KIRREL1: variants seen among roughly 807,000 people sequenced by gnomAD.
The protein encoded by KIRREL1 is kirre like nephrin family adhesion molecule 1, also known as kin of IRRE-like protein 1.
Under a neutral mutation model 83.3 loss-of-function variants are expected in KIRREL1, and 25 were observed. The observed-to-expected ratio is 0.30, with a 90% CI of 0.22 to 0.42. KIRREL1 has a LOEUF of 0.42. Among genes scored for constraint, KIRREL1 ranks in the 10% least tolerant of loss-of-function variants. The probability of loss-of-function intolerance (pLI) is 1.00; values close to 1 mark genes in which losing one functional copy is unlikely to be tolerated. For synonymous variants in KIRREL1, 388 were observed against 410.4 expected, an observed-to-expected ratio of 0.95 and a Z score of 0.66; for missense variants, 812 against 1,032.3, an observed-to-expected ratio of 0.79 and a Z score of 2.92.
intron 1 of KIRREL1, among the ~76,000 whole-genome samples, chr1:158,029,387 ACATG>A (rs1451458273): frequency 3.3e-5 from 1 of 30,510 alleles, no homozygotes; most frequent in Non-Finnish European, 1.0e-4. Flanking sequence ...GCGCATGCAC[ACATG>A]CATGCATGTG....
intron 1 of KIRREL1, among the ~76,000 whole-genome samples, chr1:158,018,164 G>T (rs997230624): frequency 5.9e-5 from 9 of 152,104 alleles, no homozygotes; most frequent in Non-Finnish European, 7.4e-5. Context: ...GGAAGAATTG[G>T]GGGGGTGGGA....
In KIRREL1 at chr1:158,088,130, G is replaced by A; in HGVS notation, c.892G>A (p.Val298Ile). 1.2e-6 allele frequency: 2 copies of A among 1,614,210 alleles called. No homozygotes were observed. Among genetic ancestry groups the A allele is most frequent in the East Asian group, 4.5e-5 (2 of 44,888 alleles). ...EVHNKVGSTN[V>I]STLVNVHFAP... ...TCACAACAAAGTGGGAAGCACCAAT[G>A]TCAGCACTTTAGTAAATGTCCACTG... The change falls in exon 7 of 15, where the codon GTC becomes ATC. Residue 298 changes from valine (V) to isoleucine (I), a missense_variant. Physicochemically the swap from Val to Ile is conservative, Grantham distance 29. Around this residue, in one of 3 missense-constraint regions of KIRREL1, gnomAD observed 472 missense variants for 626.8 expected, o/e 0.75. Transcript: ENST00000359209.
At chr1:158,061,560 A>G (rs1661216203) in intron 1 of KIRREL1, among the ~76,000 whole-genome samples, 1 of 152,142 alleles carries the variant, frequency 6.6e-6, no homozygotes, top group South Asian at 2.1e-4. Flanking sequence ...CTCTCTAGGC[A>G]GTTTTGTGTG....
At chr1:158,012,734 G>T (rs1045306511) in intron 1 of KIRREL1, among the ~76,000 whole-genome samples, 1 of 152,214 alleles carries the variant, frequency 6.6e-6, no homozygotes, top group Non-Finnish European at 1.5e-5. Flanking sequence ...GTCTATAGGG[G>T]CAAGGGCCTT....
chr1:158,099,990 T>C lies in KIRREL1; in HGVS notation c.*4870T>C, dbSNP rs1558023731. 2 of 152,142 alleles carry C rather than the reference T, an allele frequency of 1.3e-5. No individual in the cohort carries two copies. The highest frequency in any genetic ancestry group is 1.9e-4 in the East Asian group (1 of 5,190). The allele number at this position is 152,142 out of a possible 1,614,324, so 9.4% of individuals were successfully genotyped here. ...TTCTTGGCATTGCAACCTCCATTTC[T>C]AGCTCCTGTTGAATTTTCTCCACCC... is the stretch of plus-strand genomic sequence containing the variant. On this transcript the variant is annotated 3_prime_UTR_variant, in exon 15 of 15. Coordinates refer to ENST00000359209, the MANE Select transcript of KIRREL1 (RefSeq NM_018240.7).
At chr1:158,030,681 T>C (rs1660298164) in intron 1 of KIRREL1, 1 of 152,190 alleles carries the variant, frequency 6.6e-6, no homozygotes, top group African/African-American at 2.4e-5. Context: ...ATTGTGAAAT[T>C]ACAAACAAAT....
chr1:158,094,502 G>A lies in KIRREL1; in HGVS notation c.1797+112G>A. The A allele has an allele frequency of 7.7e-7, 1 of 1,300,076 alleles. No individual in the cohort carries two copies. Among genetic ancestry groups the A allele is most frequent in the South Asian group, 1.2e-5 (1 of 83,414 alleles). The allele number at this position is 1,300,076 out of a possible 1,614,324, so 80.5% of individuals were successfully genotyped here. A position where few individuals can be genotyped will look rare whatever the true frequency, so the allele number is the denominator to read the frequency against. ...AGACTTGGGGAGGAGTGGTTGGGAG[G>A]GTTTTTGAAGGAGCAGAGGAGGTGG... On this transcript the variant is annotated intron_variant, in intron 14 of 14. Coordinates refer to ENST00000359209, the MANE Select transcript of KIRREL1 (RefSeq NM_018240.7). The surrounding 1 kb of genome is among the most constrained non-coding windows in gnomAD (Gnocchi z 4.6).
chr1:158,049,368 C>A (rs1660855371), intron 1 of KIRREL1, among the ~76,000 whole-genome samples: 1 of 152,160 alleles, frequency 6.6e-6, no homozygotes, highest in African/African-American at 2.4e-5. Context: ...GGAACTGTGT[C>A]TTGATGGATG....
At chr1:158,036,684 C>T (rs376945864) in intron 1 of KIRREL1, among the ~76,000 whole-genome samples, 11 of 152,124 alleles carry the variant, frequency 7.2e-5, no homozygotes, top group Non-Finnish European at 1.5e-4. Context: ...GGTGCAGTCT[C>T]GGTCAGCTCA....
chr1:158,076,349 C>T, intron 2 of KIRREL1, 87 bp downstream of exon 2: 1 of 1,244,184 alleles, frequency 8.0e-7, no homozygotes, highest in Admixed American at 1.8e-5. Flanking sequence ...CTCACCATCC[C>T]TTAGTTCCCT....
chr1:158,005,469 C>G (rs1361498769), intron 1 of KIRREL1, among the ~76,000 whole-genome samples: 1 of 152,010 alleles, frequency 6.6e-6, no homozygotes, highest in East Asian at 1.9e-4. Context: ...ACTCAGGCTG[C>G]CAGCTGTGGA....
At chr1:158,053,632 C>T (rs1231842537) in intron 1 of KIRREL1, among the ~76,000 whole-genome samples, 1 of 152,170 alleles carries the variant, frequency 6.6e-6, no homozygotes, top group African/African-American at 2.4e-5. Context: ...TTCACCCTCT[C>T]CTCTTTTCCC....
chr1:158,012,137 A>G (rs1475698047), intron 1 of KIRREL1, among the ~76,000 whole-genome samples: 1 of 152,162 alleles, frequency 6.6e-6, no homozygotes, highest in Non-Finnish European at 1.5e-5. Context: ...GGTAGATTAG[A>G]GTTGACCTTA....
At chr1:158,022,712 C>G (rs994765819) in intron 1 of KIRREL1, among the ~76,000 whole-genome samples, 3 of 152,206 alleles carry the variant, frequency 2.0e-5, no homozygotes, top group African/African-American at 7.2e-5. Flanking sequence ...GCCTCCAGAA[C>G]AGATTGCATA....
intron 1 of KIRREL1, among the ~76,000 whole-genome samples, chr1:158,053,278 G>A (rs1218049228): frequency 6.6e-6 from 1 of 152,192 alleles, no homozygotes; most frequent in African/African-American, 2.4e-5. Flanking sequence ...TAGGGTGCAG[G>A]TGCATTAAAT....
At chr1:158,090,178 A>G (rs1341298471) in intron 10 of KIRREL1, among the ~76,000 whole-genome samples, 1 of 151,510 alleles carries the variant, frequency 6.6e-6, no homozygotes, top group Non-Finnish European at 1.5e-5. Flanking sequence ...CTGGGCTAAC[A>G]CTTCCCCTCT....
chr1:158,084,151 C>CAATA (rs1016396520), intron 3 of KIRREL1, among the ~76,000 whole-genome samples: 5 of 151,940 alleles, frequency 3.3e-5, no homozygotes, highest in African/African-American at 1.2e-4. Context: ...AACAAACAAA[C>CAATA]AATAAACCAG....
intron 1 of KIRREL1, among the ~76,000 whole-genome samples, chr1:158,066,011 C>A (rs374601090): frequency 9.0e-4 from 137 of 152,172 alleles, no homozygotes; most frequent in African/African-American, 3.0e-3. Context: ...TCTCTCATCA[C>A]CTTTTTTTTT....
At chr1:158,047,802 A>G (rs77480197) in intron 1 of KIRREL1, among the ~76,000 whole-genome samples, 359 of 152,294 alleles carry the variant, frequency 2.4e-3, no homozygotes, top group Non-Finnish European at 4.3e-3. Context: ...AATGCTGACT[A>G]TAATTTGCCG....
Sources: allele counts gnomAD v4.1 joint callset (sites outside exome capture counted in the v4.1 genomes callset), GRCh38; gene constraint gnomAD v4.1.1; regional missense constraint gnomAD v4.1.1; non-coding constraint Gnocchi (gnomAD v3.1); transcripts MANE v1.5; gene names NCBI Gene and HGNC (gene_info 2026-07-23, HGNC 2026-07-21).